TMCC2: variants seen among roughly 807,000 people sequenced by gnomAD.
The protein encoded by TMCC2 is transmembrane and coiled-coil domain family 2, also known as transmembrane and coiled-coil domains protein 2.
Under a neutral mutation model 49.4 loss-of-function variants are expected in TMCC2, and 16 were observed. The observed-to-expected ratio is 0.32, with a 90% confidence interval of 0.22 to 0.49. The LOEUF is 0.49. Among genes scored for constraint, TMCC2 ranks in the 20% least tolerant of loss-of-function variants. TMCC2 has a pLI of 0.99. For synonymous variants in TMCC2, 397 were observed against 434.1 expected (o/e 0.91, Z 1.06); for missense variants, 762 against 989.8 (o/e 0.77, Z 3.09).
chr1:205,266,407 A>G (rs1291315586), intron 2 of TMCC2, among the ~76,000 whole-genome samples: 2 of 151,698 alleles, frequency 1.3e-5, no homozygotes, highest in Admixed American at 1.3e-4. Flanking sequence ...TCTGGCCAAC[A>G]TGGCGAAACT....
intron 2 of TMCC2, among the ~76,000 whole-genome samples, chr1:205,244,678 A>C (rs1253759238): frequency 6.6e-6 from 1 of 152,196 alleles, no homozygotes; most frequent in Non-Finnish European, 1.5e-5. Context: ...TTATCAGGCT[A>C]ATCCAGGGTT....
chr1:205,229,065 CT>C, intron 1 of TMCC2: 1 of 1,242,718 alleles, frequency 8.0e-7, no homozygotes, highest in Non-Finnish European at 1.0e-6. Flanking sequence ...AGACAAAGGG[CT>C]GGAGAAATCC....
At chr1:205,246,914 G>A (rs1660475666) in intron 2 of TMCC2, among the ~76,000 whole-genome samples, 1 of 152,042 alleles carries the variant, frequency 6.6e-6, no homozygotes, top group South Asian at 2.1e-4. Flanking sequence ...GGGCCTGGGG[G>A]AAGTGGGGCA....
chr1:205,257,168 TC>T (rs1423652265), intron 2 of TMCC2: 2 of 1,232,360 alleles, frequency 1.6e-6, no homozygotes, highest in African/African-American at 3.1e-5. Context: ...CCTAGAGCAA[TC>T]CGCCCCTAAT....
rs1172909076 is a variant in TMCC2, at chr1:205,228,331, T to G, written c.-234T>G. ...GCCCAGCCTCGACTGTGACCTGTCTTCGCTCCCCAGGTCGAAATGAACTAT... is the reference window on the plus strand; with the variant it reads ...GCCCAGCCTCGACTGTGACCTGTCTGCGCTCCCCAGGTCGAAATGAACTAT... On this transcript the variant is annotated 5_prime_UTR_variant, in exon 1 of 5. Coordinates refer to ENST00000358024, the MANE Select transcript of TMCC2 (RefSeq NM_014858.4). 1 of 439,760 alleles carries G rather than the reference T, an allele frequency of 2.3e-6. No homozygotes were observed. Among genetic ancestry groups the G allele is most frequent in the Non-Finnish European group, 4.1e-6 (1 of 242,668 alleles). The allele number at this position is 439,760 out of a possible 1,614,324, so 27.2% of individuals were successfully genotyped here.
At chr1:205,257,957 A>G (rs1660945396) in intron 2 of TMCC2, among the ~76,000 whole-genome samples, 1 of 152,168 alleles carries the variant, frequency 6.6e-6, no homozygotes, top group African/African-American at 2.4e-5. Flanking sequence ...TTTGTTCTCC[A>G]CAGGGCAGAC....
chr1:205,244,388 C>A (rs1242977663), intron 2 of TMCC2, among the ~76,000 whole-genome samples: 1 of 152,170 alleles, frequency 6.6e-6, no homozygotes, highest in Non-Finnish European at 1.5e-5. Flanking sequence ...AGAGTCACCT[C>A]TGGGAGGCAG....
At chr1:205,254,064 A>T (rs1475512731) in intron 2 of TMCC2, among the ~76,000 whole-genome samples, 2 of 152,126 alleles carry the variant, frequency 1.3e-5, no homozygotes. Flanking sequence ...CGCCTCGTCC[A>T]AGCTGCTGCT....
In TMCC2 at chr1:205,228,569, A is replaced by G; in HGVS notation, c.5A>G (p.Lys2Arg). ...CCTTGCCGACCCACATACACCATGA[A>G]GAGGTGCAGATCGGACGAGCTGCAG... M[K>R]RCRSDELQQQ... The change falls in exon 1 of 5, where the codon AAG (lysine) becomes AGG (arginine). Residue 2 changes from lysine (K) to arginine (R), a missense_variant. Physicochemically the swap from Lys to Arg is conservative, Grantham distance 26 (BLOSUM62 2). Coordinates refer to ENST00000358024, the MANE Select transcript of TMCC2 (RefSeq NM_014858.4). 6.2e-7 allele frequency: 1 copy of G among 1,607,164 alleles called. No individual in the cohort carries two copies. Among genetic ancestry groups the G allele is most frequent in the Non-Finnish European group, 8.5e-7 (1 of 1,175,156 alleles).
chr1:205,229,151 CTTTGTG>C (rs1432138242), intron 1 of TMCC2: 3 of 1,014,434 alleles, frequency 3.0e-6, no homozygotes, highest in Admixed American at 5.2e-5. Context: ...CCATTGGGAT[CTTTGTG>C]TGTGTGTGTG....
intron 1 of TMCC2, chr1:205,236,964 C>A (rs1041548761): frequency 6.6e-6 from 1 of 151,822 alleles, no homozygotes; most frequent in African/African-American, 2.4e-5. Context: ...ATTCTCTAAG[C>A]AATAAAGGAA....
At chr1:205,262,045 CCTAT>C (rs1661137722) in intron 2 of TMCC2, among the ~76,000 whole-genome samples, 1 of 152,064 alleles carries the variant, frequency 6.6e-6, no homozygotes, top group Non-Finnish European at 1.5e-5. Flanking sequence ...TAAAGCTGTC[CCTAT>C]CTGTGTACCA....
rs146831738 is a variant in TMCC2, at chr1:205,269,731, A to G, written c.1529A>G (p.Tyr510Cys). The part of the protein sequence containing the change: ...ALGSPKSNAL[Y>C]GAPGNLDALL... ...GGGAGCCCTAAGTCCAATGCACTGT[A>G]TGGTGCTCCTGGAAACCTGGATGCT... Residue 510 changes from tyrosine (Y) to cysteine (C), a missense_variant, in exon 3 of 5, where the codon TAT becomes TGT. Physicochemically the swap from Tyr to Cys is radical, Grantham distance 194 (BLOSUM62 -2). Around this residue, in one of 2 missense-constraint regions of TMCC2, gnomAD observed 440 missense variants for 636.7 expected, o/e 0.69. Transcript: ENST00000358024. 2.1e-5 allele frequency: 34 copies of G among 1,614,072 alleles called. No individual in the cohort carries two copies. The highest frequency in any genetic ancestry group is 2.6e-5 in the Non-Finnish European group (31 of 1,180,030).
chr1:205,271,250 A>T lies in TMCC2; in HGVS notation c.1813A>T (p.Ile605Phe). The T allele has an allele frequency of 1.2e-6, 2 of 1,614,138 alleles. No homozygotes were observed. The highest frequency in any genetic ancestry group is 1.7e-6 in the Non-Finnish European group (2 of 1,180,028). ...AYQSYERARD[I>F]QEAVESCLTR... ...CCAGTCCTATGAGAGGGCACGGGAC[A>T]TCCAGGTATGGCCAGGGCAACCTTG... The change falls in exon 4 of 5, where the codon ATC becomes TTC. Residue 605 changes from isoleucine (I) to phenylalanine (F), a missense_variant. Ile to Phe is a conservative substitution (Grantham distance 21). Transcript: ENST00000358024.
chr1:205,228,685 G>T lies in TMCC2; in HGVS notation c.121G>T (p.Ala41Ser), dbSNP rs774022417. The change falls in exon 1 of 5, where the codon GCT becomes TCT. Residue 41 changes from alanine (A) to serine (S), a missense_variant. Ala to Ser is a moderately conservative substitution (Grantham distance 99, BLOSUM62 1). Around this residue, in one of 2 missense-constraint regions of TMCC2, gnomAD observed 322 missense variants for 353.1 expected, o/e 0.91. Coordinates refer to ENST00000358024, the MANE Select transcript of TMCC2 (RefSeq NM_014858.4). ...CCTCCGGCCTGGGGAGACCACGGGT[G>T]CTAACTCTGCTGGCGGGCCAACTTC... ...ADLRPGETTG[A>S]NSAGGPTSDA... 6.2e-7 allele frequency: 1 copy of T among 1,612,774 alleles called. No individual in the cohort carries two copies. Among genetic ancestry groups the T allele is most frequent in the East Asian group, 2.2e-5 (1 of 44,856 alleles).
At chr1:205,239,434 G>T (rs1036295923) in intron 1 of TMCC2, among the ~76,000 whole-genome samples, 3 of 152,288 alleles carry the variant, frequency 2.0e-5, no homozygotes, top group Non-Finnish European at 2.9e-5. Flanking sequence ...GGTGAGCCTT[G>T]TGACCCTGCC....
intron 1 of TMCC2, among the ~76,000 whole-genome samples, chr1:205,234,388 G>T (rs965230000): frequency 1.3e-5 from 2 of 152,156 alleles, no homozygotes; most frequent in African/African-American, 4.8e-5. Context: ...GGAGGTTGCA[G>T]TGAGCCGAGA....
Position 205,268,947 on chromosome 1 carries a change from C to T in TMCC2, c.748-3C>T, listed in dbSNP as rs1269479758. The T allele has an allele frequency of 6.2e-7, 1 of 1,611,220 alleles. No homozygotes were observed. The highest frequency in any genetic ancestry group is 2.2e-5 in the East Asian group (1 of 44,796). ...TGCTTCCTCTGCCTGCCTCTTTCCC[C>T]AGGTCGATAAGGGAGACCTGGTGGC... On this transcript the variant is annotated splice_region_variant and splice_polypyrimidine_tract_variant and intron_variant, in intron 2 of 4. Transcript: ENST00000358024.
intron 2 of TMCC2, among the ~76,000 whole-genome samples, chr1:205,265,049 C>T (rs1169401720): frequency 3.3e-5 from 5 of 152,238 alleles, no homozygotes; most frequent in Non-Finnish European, 5.9e-5. Context: ...GACTGACCCG[C>T]TCAATCCAGG....
Sources: gnomAD v4.1 joint callset for allele counts (sites outside exome capture counted in the v4.1 genomes callset) on GRCh38, gnomAD v4.1.1 for gene constraint, gnomAD v4.1.1 regional missense constraint, MANE v1.5 for transcripts, NCBI Gene and HGNC (gene_info 2026-07-23, HGNC 2026-07-21) for gene names.